Variants in ADAMTS2 observed in about 807,000 individuals in gnomAD.
ADAMTS2 encodes the protein A disintegrin and metalloproteinase with thrombospondin motifs 2.
A neutral mutation model predicts 123.0 loss-of-function variants in ADAMTS2; 50 were observed. That is an observed-to-expected ratio of 0.41 (90% CI 0.32 to 0.51). ADAMTS2 has a LOEUF of 0.51. ADAMTS2 is among the 20% of genes least tolerant of loss of function. The pLI is 0.35. For synonymous variants in ADAMTS2, 678 were observed against 695.4 expected, an observed-to-expected ratio of 0.98 and a Z score of 0.39; for missense variants, 1,494 against 1,705.2, an observed-to-expected ratio of 0.88 and a Z score of 2.18.
intron 2 of ADAMTS2, among the ~76,000 whole-genome samples, chr5:179,318,210 A>C (rs1757055465): frequency 6.6e-6 from 1 of 152,204 alleles, no homozygotes. Flanking sequence ...CATTTATCTC[A>C]GAGCTTAACT....
chr5:179,341,400 G>T (rs76429249), intron 2 of ADAMTS2: 48,640 of 341,922 alleles, frequency 0.14, 4,390 homozygotes, highest in East Asian at 0.3. Context: ...AGAGAAAGAG[G>T]ACAAGCGAAA....
At chr5:179,259,187 C>T (rs1350683625) in intron 3 of ADAMTS2, among the ~76,000 whole-genome samples, 2 of 152,192 alleles carry the variant, frequency 1.3e-5, no homozygotes, top group South Asian at 2.1e-4. Context: ...AAACAAGCCC[C>T]GTCCTCACCC....
At chr5:179,207,985 G>A (rs1764747980) in intron 3 of ADAMTS2, among the ~76,000 whole-genome samples, 3 of 152,118 alleles carry the variant, frequency 2.0e-5, no homozygotes, top group Admixed American at 6.6e-5. Context: ...CCACAGCAGG[G>A]GCCACAGTGG....
rs1005405196 is a variant in ADAMTS2 at position 179,313,995 on chromosome 5, G to A, written c.534+29772C>T. Among the ~76,000 whole-genome samples, 3 of 151,994 alleles carry A rather than the reference G, an allele frequency of 2.0e-5. No homozygotes were observed. In the South Asian group the frequency reaches 6.2e-4, roughly 32 times the overall value. On this transcript the variant is annotated intron_variant, in intron 2 of 21. Coordinates refer to ENST00000251582, the MANE Select transcript of ADAMTS2 (RefSeq NM_014244.5). ...ACACACTCACACCGAGACAGAGGAGGGCCTGGCCGGAGCAGGGGTGTCAGC... is the reference window on the plus strand; with the variant it reads ...ACACACTCACACCGAGACAGAGGAGAGCCTGGCCGGAGCAGGGGTGTCAGC...
chr5:179,172,080 A>G (rs1268590528), intron 5 of ADAMTS2, among the ~76,000 whole-genome samples: 5 of 152,084 alleles, frequency 3.3e-5, no homozygotes, highest in African/African-American at 1.2e-4. Flanking sequence ...CCTCACCACC[A>G]TCAGTTCTCA....
At chr5:179,299,311 C>T (rs56679076) in intron 2 of ADAMTS2, among the ~76,000 whole-genome samples, 10,608 of 104,078 alleles carry the variant, frequency 0.1, 1,667 homozygotes, top group East Asian at 0.31. Flanking sequence ...GGGCGGATCA[C>T]GAGGTCAGGA....
chr5:179,278,231 A>G (rs1458096009), intron 2 of ADAMTS2, among the ~76,000 whole-genome samples: 1 of 146,092 alleles, frequency 6.8e-6, no homozygotes, highest in Non-Finnish European at 1.5e-5. Flanking sequence ...ACCGCTGGCC[A>G]GAATAATGCT....
intron 10 of ADAMTS2, among the ~76,000 whole-genome samples, chr5:179,145,417 C>T (rs1279150579): frequency 2.6e-5 from 4 of 152,116 alleles, no homozygotes; most frequent in Admixed American, 6.5e-5. Context: ...ACTTTGTACA[C>T]GAATGTTTGT....
Position 179,129,791 on chromosome 5 carries a change from C to A in ADAMTS2, c.2457+141G>T. ...CTTCCTGGCTCTGACCAAGTCGGAGCCCCTTGGTGCCAAAGGCAGGCCAAA... is the reference window on the plus strand; with the variant it reads ...CTTCCTGGCTCTGACCAAGTCGGAGACCCTTGGTGCCAAAGGCAGGCCAAA... On this transcript the variant is annotated intron_variant, in intron 16 of 21. Coordinates refer to ENST00000251582, the MANE Select transcript of ADAMTS2 (RefSeq NM_014244.5). This position sits in a 1 kb window ranked among gnomAD's most constrained non-coding sequence, Gnocchi z 4.1. 1 of 1,132,408 alleles carries A rather than the reference C, an allele frequency of 8.8e-7. No individual in the cohort carries two copies. The highest frequency in any genetic ancestry group is 1.3e-6 in the Non-Finnish European group (1 of 799,544). The allele number at this position is 1,132,408 out of a possible 1,614,324, so 70.1% of individuals were successfully genotyped here. A position where few individuals can be genotyped will look rare whatever the true frequency, so the allele number is the denominator to read the frequency against.
At chr5:179,144,189 C>T (rs1353873119) in intron 10 of ADAMTS2, among the ~76,000 whole-genome samples, 1 of 151,750 alleles carries the variant, frequency 6.6e-6, no homozygotes, top group Non-Finnish European at 1.5e-5. Flanking sequence ...TACAATAGCA[C>T]CAAAAAGAAA....
intron 4 of ADAMTS2, among the ~76,000 whole-genome samples, chr5:179,200,052 A>G (rs1764525729): frequency 6.6e-6 from 1 of 152,160 alleles, no homozygotes; most frequent in Non-Finnish European, 1.5e-5. Flanking sequence ...CTCTTTGAAC[A>G]AGCGATCCCA....
chr5:179,343,718 C>T (rs754686084), intron 2 of ADAMTS2, 49 bp downstream of exon 2: 1 of 1,589,646 alleles, frequency 6.3e-7, no homozygotes, highest in Non-Finnish European at 8.5e-7. Flanking sequence ...TTTTCCAAAA[C>T]CCAGGCGAGA....
intron 19 of ADAMTS2, 101 bp from the exon 20 acceptor site, chr5:179,122,874 T>C: frequency 6.6e-7 from 1 of 1,513,818 alleles, no homozygotes; most frequent in Non-Finnish European, 8.9e-7. Flanking sequence ...ACCCATGCGC[T>C]CAGGAGGAGG....
chr5:179,245,413 T>G (rs139319407), intron 3 of ADAMTS2, among the ~76,000 whole-genome samples: 3 of 152,164 alleles, frequency 2.0e-5, no homozygotes, highest in Non-Finnish European at 4.4e-5. Context: ...ACTAAATTTG[T>G]GGTAATTTGT....
In ADAMTS2 at chr5:179,115,940, G is replaced by T. The variant is rs1762649981; in HGVS notation, c.3179-1616C>A. ...CCAGCTCCAAACCCCTGAAGCTTCA[G>T]ACTTGCTACAAGCCAAATCCACCAA... On this transcript the variant is annotated intron_variant, in intron 21 of 21. Coordinates refer to ENST00000251582, the MANE Select transcript of ADAMTS2 (RefSeq NM_014244.5). The surrounding 1 kb of genome is among the most constrained non-coding windows in gnomAD (Gnocchi z 4.4). Among the ~76,000 whole-genome samples, 1 of 152,002 alleles carries T rather than the reference G, an allele frequency of 6.6e-6. No homozygotes were observed. The highest frequency in any genetic ancestry group is 2.4e-5 in the African/African-American group (1 of 41,384).
Position 179,181,916 on chromosome 5 carries a change from T to C in ADAMTS2, c.892-761A>G, listed in dbSNP as rs553666631. On this transcript the variant is annotated intron_variant, in intron 4 of 21. Coordinates refer to ENST00000251582, the MANE Select transcript of ADAMTS2 (RefSeq NM_014244.5). The surrounding 1 kb of genome is among the most constrained non-coding windows in gnomAD (Gnocchi z 4.1). Reference sequence around the variant, plus strand: ...CAGCCAGCAAGACCCTCCAGAAACATAGGTCAGGTTATCCCGGGCTCGAGG... The same window carrying C: ...CAGCCAGCAAGACCCTCCAGAAACACAGGTCAGGTTATCCCGGGCTCGAGG... Among the ~76,000 whole-genome samples, 8 of 152,022 alleles carry C rather than the reference T, an allele frequency of 5.3e-5. No homozygotes were observed. Among genetic ancestry groups the C allele is most frequent in the Non-Finnish European group, 7.4e-5 (5 of 68,018 alleles).
At chr5:179,120,955 A>G (rs1200906537) in intron 21 of ADAMTS2, 1 of 152,202 alleles carries the variant, frequency 6.6e-6, no homozygotes, top group African/African-American at 2.4e-5. Context: ...AAAAAGCAAT[A>G]AAAATTGAGG....
At chr5:179,295,122 C>T (rs921815185) in intron 2 of ADAMTS2, among the ~76,000 whole-genome samples, 11 of 152,248 alleles carry the variant, frequency 7.2e-5, no homozygotes, top group African/African-American at 2.2e-4. Flanking sequence ...CATCTGGCAC[C>T]AGGCCTGGCT....
rs1001992408 is a variant in ADAMTS2 at position 179,155,391 on chromosome 5, G to C, written c.1133-472C>G. Among the ~76,000 whole-genome samples, 4 of 152,178 alleles carry C rather than the reference G, an allele frequency of 2.6e-5. No homozygotes were observed. The highest frequency in any genetic ancestry group is 9.7e-5 in the African/African-American group (4 of 41,450). On this transcript the variant is annotated intron_variant, in intron 6 of 21. Transcript: ENST00000251582. The surrounding 1 kb of genome is among the most constrained non-coding windows in gnomAD (Gnocchi z 5.1). Reference sequence around the variant, plus strand: ...CCCTCCAAGCCCACCTCCTCTGGGGGGCGTTTCTTGGGTCTCCCCGTGTTT... The same window carrying C: ...CCCTCCAAGCCCACCTCCTCTGGGGCGCGTTTCTTGGGTCTCCCCGTGTTT...
Sources: gnomAD v4.1 joint callset for allele counts (sites outside exome capture counted in the v4.1 genomes callset) on GRCh38, gnomAD v4.1.1 for gene constraint, Gnocchi (gnomAD v3.1) non-coding constraint, MANE v1.5 for transcripts, NCBI Gene and HGNC (gene_info 2026-07-23, HGNC 2026-07-21) for gene names.